The following ARF4 variants were observed in gnomAD, a reference collection of about 807,000 sequenced individuals.
The protein encoded by ARF4 is ADP-ribosylation factor 4.
ARF4 carries 5 observed loss-of-function variants against 24.3 expected under a neutral mutation model. The observed-to-expected ratio is 0.21, with a 90% CI of 0.11 to 0.43. The LOEUF is 0.43. Ranked by LOEUF, ARF4 falls within the 20% of genes least tolerant of loss-of-function variation. The pLI is 1.00. For missense variants in ARF4, 107 were observed against 213.0 expected (o/e 0.50, Z 3.10); for synonymous variants, 62 against 73.5 (o/e 0.84, Z 0.80).
chr3:57,572,365 T>C, intron 5 of ARF4, 67 bp from the exon 6 acceptor site: 1 of 1,223,406 alleles, frequency 8.2e-7, no homozygotes, highest in Non-Finnish European at 1.2e-6. Flanking sequence ...GTTTAAACTT[T>C]CTTAATCAAA....
chr3:57,578,947 A>G (rs900288057), intron 3 of ARF4, among the ~76,000 whole-genome samples: 1 of 152,292 alleles, frequency 6.6e-6, no homozygotes, highest in Non-Finnish European at 1.5e-5. Context: ...CTTGACTCCT[A>G]AAGTATCAAT....
In ARF4 at chr3:57,575,691, G is replaced by A; in HGVS notation, c.331-18C>T. ...ACCAGAAGCTGGAAATAAAAGGTAA[G>A]GCATTAACAACTACCAACCGGAATC... On this transcript the variant is annotated intron_variant, in intron 4 of 5. Coordinates refer to ENST00000303436, the MANE Select transcript of ARF4 (RefSeq NM_001660.4). 1 of 1,598,270 alleles carries A rather than the reference G, an allele frequency of 6.3e-7. No homozygotes were observed. The highest frequency in any genetic ancestry group is 8.5e-7 in the Non-Finnish European group (1 of 1,173,890).
intron 1 of ARF4, among the ~76,000 whole-genome samples, chr3:57,595,856 C>T (rs1419475599): frequency 6.6e-6 from 1 of 151,826 alleles, no homozygotes; most frequent in Non-Finnish European, 1.5e-5. Context: ...GAGGCTGAGG[C>T]AGGAGAATCT....
At chr3:57,590,145 A>G (rs1173864220) in intron 1 of ARF4, among the ~76,000 whole-genome samples, 1 of 145,864 alleles carries the variant, frequency 6.9e-6, no homozygotes, top group Non-Finnish European at 1.5e-5. Flanking sequence ...AACAAAAAAC[A>G]AAAAAAGAAC....
intron 4 of ARF4, among the ~76,000 whole-genome samples, chr3:57,576,784 A>C (rs1304992497): frequency 6.6e-6 from 1 of 152,192 alleles, no homozygotes; most frequent in African/African-American, 2.4e-5. Context: ...GAAGGCTGCA[A>C]AATGCCACTG....
chr3:57,585,529 T>C (rs1007030398), intron 1 of ARF4, among the ~76,000 whole-genome samples: 3 of 152,186 alleles, frequency 2.0e-5, no homozygotes, highest in Non-Finnish European at 2.9e-5. Flanking sequence ...AACGAGTTAA[T>C]GGGTGCAGCA....
rs1048801044 is a variant in ARF4 at position 57,575,729 on chromosome 3, A to G, written c.331-56T>C. 12 of 1,534,940 alleles carry G rather than the reference A, an allele frequency of 7.8e-6. No individual in the cohort carries two copies. The African/African-American group carries it at 1.1e-4, about 14-fold the overall frequency. On this transcript the variant is annotated intron_variant, in intron 4 of 5. Transcript: ENST00000303436. The stretch of plus-strand genomic sequence containing the variant: ...ACCAACCGGAATCCAATTTTTGAAA[A>G]TGTCTTCCTATATATACTTTACTCA...
intron 5 of ARF4, among the ~76,000 whole-genome samples, chr3:57,574,843 C>G (rs908083344): frequency 1.3e-5 from 2 of 149,088 alleles, no homozygotes; most frequent in Non-Finnish European, 3.0e-5. Context: ...CAAAGCGAGA[C>G]CCCCCATCTC....
chr3:57,576,065 C>T (rs565215574), intron 4 of ARF4, among the ~76,000 whole-genome samples: 6 of 152,178 alleles, frequency 3.9e-5, no homozygotes, highest in Non-Finnish European at 7.4e-5. Flanking sequence ...TGATTCTTTT[C>T]GGACTTCTAT....
At position 57,577,303 on chromosome 3, in the gene ARF4, G is replaced by A. The variant is rs373908746; in HGVS notation, c.330+13C>T. ...ACACCTTGAAAATGATGAATTTAAA[G>A]TATATTTCTTACCATTTTCTGCAGC... On this transcript the variant is annotated intron_variant, in intron 4 of 5. Transcript: ENST00000303436. The A allele has an allele frequency of 6.2e-7, 1 of 1,603,198 alleles. No individual in the cohort carries two copies. The highest frequency in any genetic ancestry group is 8.5e-7 in the Non-Finnish European group (1 of 1,170,612).
At chr3:57,572,974 G>A (rs887166609) in intron 5 of ARF4, among the ~76,000 whole-genome samples, 18 of 151,802 alleles carry the variant, frequency 1.2e-4, no homozygotes, top group African/African-American at 4.1e-4. Context: ...AGGCTGAGGC[G>A]GATGGATCAT....
intron 2 of ARF4, 175 bp downstream of exon 2, chr3:57,584,209 C>T (rs1256239093): frequency 5.4e-6 from 4 of 741,106 alleles, no homozygotes; most frequent in Admixed American, 2.9e-5. Flanking sequence ...GCAATCCACC[C>T]GCCTCGGCCT....
rs954003560 is a variant in ARF4 at position 57,583,526 on chromosome 3, G to C, written c.258+372C>G. Among the ~76,000 whole-genome samples, 5 of 152,214 alleles carry C rather than the reference G, an allele frequency of 3.3e-5. No homozygotes were observed. In the East Asian group the frequency reaches 9.6e-4, roughly 29 times the overall value. The stretch of plus-strand genomic sequence containing the variant: ...TATTTAATAAAGTAAACAAGTAACT[G>C]GGCTAAACAAAGGACTATCAATTGT... On this transcript the variant is annotated intron_variant, in intron 3 of 5. Transcript: ENST00000303436.
chr3:57,596,890 C>CG, intron 1 of ARF4, 184 bp downstream of exon 1: 2 of 613,850 alleles, frequency 3.3e-6, no homozygotes, highest in East Asian at 2.9e-5. Flanking sequence ...GGCGACAGAT[C>CG]GGGGGCGGGG....
At chr3:57,572,332 C>CA (rs1418979320) in intron 5 of ARF4, 34 bp from the exon 6 acceptor site, 2 of 1,508,920 alleles carry the variant, frequency 1.3e-6, no homozygotes, top group African/African-American at 2.8e-5. Context: ...ACTTGATTAA[C>CA]AAAGTTAATA....
chr3:57,579,601 T>A (rs2069947000), intron 3 of ARF4, among the ~76,000 whole-genome samples: 1 of 152,070 alleles, frequency 6.6e-6, no homozygotes, highest in Non-Finnish European at 1.5e-5. Context: ...TCCTACATCA[T>A]TTTCTGTTTA....
chr3:57,583,139 C>T (rs111553139), intron 3 of ARF4, among the ~76,000 whole-genome samples: 1 of 152,168 alleles, frequency 6.6e-6, no homozygotes, highest in East Asian at 1.9e-4. Context: ...GATACCAGAC[C>T]AGTAGTATCA....
At chr3:57,579,363 C>T (rs2069944453) in intron 3 of ARF4, among the ~76,000 whole-genome samples, 1 of 151,384 alleles carries the variant, frequency 6.6e-6, no homozygotes, top group Admixed American at 6.6e-5. Flanking sequence ...TCTCAGCTCA[C>T]TGCAAACCCC....
At chr3:57,585,341 C>T (rs1186152978) in intron 1 of ARF4, among the ~76,000 whole-genome samples, 1 of 152,116 alleles carries the variant, frequency 6.6e-6, no homozygotes, top group African/African-American at 2.4e-5. Context: ...AGTGGTATAA[C>T]TATGTTCTAA....
Sources: gnomAD v4.1 joint callset for allele counts (sites outside exome capture counted in the v4.1 genomes callset) on GRCh38, gnomAD v4.1.1 for gene constraint, MANE v1.5 for transcripts, NCBI Gene and HGNC (gene_info 2026-07-23, HGNC 2026-07-21) for gene names.